Variants in LRRC36 observed in about 807,000 individuals in gnomAD.
LRRC36 encodes leucine-rich repeat-containing protein 36.
LRRC36 carries 62 observed loss-of-function variants against 81.1 expected under a neutral mutation model. The observed-to-expected ratio is 0.76, with a 90% CI of 0.62 to 0.94. The LOEUF is 0.94. LRRC36 is among the 40% of genes least tolerant of loss of function. The pLI, the probability that LRRC36 is intolerant of heterozygous loss-of-function variation, is 0.00. For missense variants in LRRC36, 761 were observed against 881.7 expected, an observed-to-expected ratio of 0.86 and a Z score of 1.73; for synonymous variants, 334 against 348.6, an observed-to-expected ratio of 0.96 and a Z score of 0.47.
intron 8 of LRRC36, among the ~76,000 whole-genome samples, chr16:67,370,608 G>A (rs1351626536): frequency 6.8e-6 from 1 of 146,454 alleles, no homozygotes; most frequent in African/African-American, 2.6e-5. Context: ...ACTCCACCCT[G>A]GGCAATCGAG....
intron 13 of LRRC36, among the ~76,000 whole-genome samples, chr16:67,383,329 A>T (rs1567507677): frequency 6.6e-6 from 1 of 152,168 alleles, no homozygotes. Context: ...ACCATTCTGG[A>T]TTTGTCTGAA....
chr16:67,381,230 GAAAAAAA>G (rs1179228134), intron 12 of LRRC36, among the ~76,000 whole-genome samples: 421 of 41,108 alleles, frequency 0.01, 2 homozygotes, highest in Middle Eastern at 0.021. Context: ...CTCTGCCTCA[GAAAAAAA>G]AAAAAAAAAA....
intron 12 of LRRC36, among the ~76,000 whole-genome samples, chr16:67,379,891 TA>T (rs1223427962): frequency 6.6e-6 from 1 of 152,216 alleles, no homozygotes; most frequent in Non-Finnish European, 1.5e-5. Flanking sequence ...TTCTACATCC[TA>T]ATGTTATTAA....
chr16:67,347,597 A>G lies in LRRC36; in HGVS notation c.488+6A>G. ...CTTTTAGAGGTGGAAAAAAGGTAAGAAGATTCTTTACAAAATTTTTAAAGT... is the reference window on the plus strand; with the variant it reads ...CTTTTAGAGGTGGAAAAAAGGTAAGGAGATTCTTTACAAAATTTTTAAAGT... On this transcript the variant is annotated splice_donor_region_variant and intron_variant, in intron 4 of 13. Coordinates refer to ENST00000329956, the MANE Select transcript of LRRC36 (RefSeq NM_018296.6). 6.2e-7 allele frequency: 1 copy of G among 1,601,946 alleles called. No homozygotes were observed. Among genetic ancestry groups the G allele is most frequent in the South Asian group, 1.1e-5 (1 of 90,628 alleles).
At chr16:67,375,197 A>G (rs111960336) in intron 9 of LRRC36, 50 bp from the exon 10 acceptor site, 11 of 1,581,024 alleles carry the variant, frequency 7.0e-6, no homozygotes, top group African/African-American at 5.5e-5. Context: ...AAGAATGACA[A>G]ATGGTTGGGT....
rs2038350648 is a variant in LRRC36, at chr16:67,346,416, C to T, written c.359C>T (p.Ala120Val). The T allele has an allele frequency of 5.0e-6, 8 of 1,610,434 alleles. No individual in the cohort carries two copies. In the East Asian group the frequency reaches 1.8e-4, roughly 36 times the overall value. ...AAAGATACAGATTATAGGCTCTTTG[C>T]TGTATATACACTACAAACTCTGGAG... is the stretch of plus-strand genomic sequence containing the variant. ...VRKDTDYRLF[A>V]VYTLQTLEKL... Residue 120 changes from alanine to valine, a missense_variant, in exon 3 of 14, where the codon GCT becomes GTT. Ala to Val is a moderately conservative substitution (Grantham distance 64, BLOSUM62 0). Coordinates refer to ENST00000329956, the MANE Select transcript of LRRC36 (RefSeq NM_018296.6).
intron 1 of LRRC36, 41 bp from the exon 2 acceptor site, chr16:67,341,916 G>C: frequency 6.4e-7 from 1 of 1,566,752 alleles, no homozygotes; most frequent in Non-Finnish European, 8.7e-7. Flanking sequence ...CTGTTGATCC[G>C]AGCAGGGATC....
In LRRC36 at chr16:67,371,176, A is replaced by C. The variant is rs2039621353; in HGVS notation, c.1428A>C (p.Lys476Asn). The change falls in exon 9 of 14, where the codon AAA (lysine) becomes AAC (asparagine). Residue 476 changes from lysine (K) to asparagine (N), a missense_variant. Physicochemically the swap from Lys to Asn is moderately conservative, Grantham distance 94. Coordinates refer to ENST00000329956, the MANE Select transcript of LRRC36 (RefSeq NM_018296.6). ...RSLSPSKRGF[K>N]WKDNILANLN... ...TAAGCCCATCGAAGAGAGGATTCAA[A>C]TGGAAGGACAATATCCTTGCCAACC... 6.2e-7 allele frequency: 1 copy of C among 1,614,198 alleles called. No individual in the cohort carries two copies.
At chr16:67,350,605 C>T (rs1324287137) in intron 5 of LRRC36, among the ~76,000 whole-genome samples, 2 of 152,242 alleles carry the variant, frequency 1.3e-5, no homozygotes, top group Non-Finnish European at 2.9e-5. Context: ...CATCTGCATA[C>T]ATCCAGCTCA....
chr16:67,381,863 C>T (rs906879756), intron 12 of LRRC36, among the ~76,000 whole-genome samples: 3 of 152,134 alleles, frequency 2.0e-5, no homozygotes, highest in African/African-American at 7.2e-5. Context: ...GTGATCCACC[C>T]GCCTCAGCCT....
intron 5 of LRRC36, 99 bp from the exon 6 acceptor site, chr16:67,363,491 C>T: frequency 3.2e-6 from 4 of 1,237,420 alleles, no homozygotes; most frequent in Admixed American, 2.2e-5. Flanking sequence ...AACTAGCACT[C>T]AATCTTGTGA....
At position 67,375,325 on chromosome 16, in the gene LRRC36, G is replaced by A. The variant is rs781004832; in HGVS notation, c.1573G>A (p.Val525Met). The change falls in exon 10 of 14, where the codon GTG becomes ATG. Residue 525 changes from valine (V) to methionine (M), a missense_variant. By Grantham distance (21) the Val-to-Met change is conservative. Coordinates refer to ENST00000329956, the MANE Select transcript of LRRC36 (RefSeq NM_018296.6). ...SPPISARTPHVATVLRQLLEL... is the reference protein window; with the variant it reads ...SPPISARTPHMATVLRQLLEL... ...CCCCATCTCTGCCAGAACCCCCCAT[G>A]TGGCCACTGTCCTCAGACAGCTCCT... is the stretch of plus-strand genomic sequence containing the variant. 14 of 1,611,996 alleles carry A rather than the reference G, an allele frequency of 8.7e-6. No individual in the cohort carries two copies. Among genetic ancestry groups the A allele is most frequent in the Non-Finnish European group, 1.1e-5 (13 of 1,179,620 alleles).
At chr16:67,375,206 GTTTT>G in intron 9 of LRRC36, 37 bp from the exon 10 acceptor site, 1 of 1,594,612 alleles carries the variant, frequency 6.3e-7, no homozygotes, top group Non-Finnish European at 8.5e-7. Flanking sequence ...AAATGGTTGG[GTTTT>G]TTGTTTGTTT....
intron 8 of LRRC36, among the ~76,000 whole-genome samples, chr16:67,367,716 G>A (rs1017824678): frequency 2.6e-5 from 4 of 152,126 alleles, no homozygotes; most frequent in Non-Finnish European, 5.9e-5. Flanking sequence ...AGGACATCTA[G>A]TCTTTACTCA....
chr16:67,364,937 C>T lies in LRRC36; in HGVS notation c.703-367C>T, dbSNP rs995092365. Among the ~76,000 whole-genome samples the T allele has an allele frequency of 2.6e-5, 4 of 152,096 alleles. No homozygotes were observed. In the East Asian group the frequency reaches 7.7e-4, roughly 29 times the overall value. Reference sequence around the variant, plus strand: ...ATTAATTTTCAGCCTATTAAAACCCCCTTAGCTATGGTGGTTGATAGCTTT... The same window carrying T: ...ATTAATTTTCAGCCTATTAAAACCCTCTTAGCTATGGTGGTTGATAGCTTT... On this transcript the variant is annotated intron_variant, in intron 6 of 13. Coordinates refer to ENST00000329956, the MANE Select transcript of LRRC36 (RefSeq NM_018296.6).
chr16:67,326,958 A>T (rs1167537965), intron 1 of LRRC36, 26 bp downstream of exon 1: 3 of 1,489,900 alleles, frequency 2.0e-6, no homozygotes, highest in Non-Finnish European at 2.7e-6. Context: ...GAGGGTGTGG[A>T]CTGGGAACGT....
intron 1 of LRRC36, among the ~76,000 whole-genome samples, chr16:67,336,025 C>T (rs1597426224): frequency 6.6e-6 from 1 of 152,234 alleles, no homozygotes; most frequent in South Asian, 2.1e-4. Flanking sequence ...AGCCACCGCA[C>T]CCGGCCCAAC....
intron 8 of LRRC36, 48 bp downstream of exon 8, chr16:67,367,505 T>A: frequency 6.7e-7 from 1 of 1,495,426 alleles, no homozygotes. Flanking sequence ...GGCATGAAGA[T>A]AGAAGATATA....
rs773429755 is a variant in LRRC36 at position 67,375,298 on chromosome 16, C to A, written c.1546C>A (p.Pro516Thr). ...GCACGGTTTGGCTGGAAACCACAGT[C>A]CCCCCATCTCTGCCAGAACCCCCCA... ...SLHGLAGNHS[P>T]PISARTPHVA... Residue 516 changes from proline to threonine, a missense_variant, in exon 10 of 14, where the codon CCC (proline) becomes ACC (threonine). Transcript: ENST00000329956. 4 of 1,611,950 alleles carry A rather than the reference C, an allele frequency of 2.5e-6. No homozygotes were observed. The South Asian group carries it at 4.4e-5, about 18-fold the overall frequency.
Sources: allele counts gnomAD v4.1 joint callset (sites outside exome capture counted in the v4.1 genomes callset), GRCh38; gene constraint gnomAD v4.1.1; transcripts MANE v1.5; gene names NCBI Gene and HGNC (gene_info 2026-07-23, HGNC 2026-07-21).